SNRPN: variants seen among roughly 807,000 people sequenced by gnomAD.
SNRPN encodes the protein small nuclear ribonucleoprotein-associated protein N.
A neutral mutation model predicts 25.2 loss-of-function variants in SNRPN; 7 were observed. The ratio of observed to expected loss-of-function variants is 0.28; its 90% confidence interval spans 0.16 to 0.52. The LOEUF (loss-of-function observed/expected upper bound fraction) is 0.52. Among genes scored for constraint, SNRPN ranks in the 20% least tolerant of loss-of-function variants. SNRPN has a pLI of 0.96. For synonymous variants in SNRPN, 124 were observed against 110.6 expected, an observed-to-expected ratio of 1.12 and a Z score of -0.76; for missense variants, 196 against 322.5, an observed-to-expected ratio of 0.61 and a Z score of 3.00.
chr15:24,878,726 C>T (rs145485571), intron 1 of SNRPN, among the ~76,000 whole-genome samples: 135 of 152,166 alleles, frequency 8.9e-4, no homozygotes, highest in African/African-American at 3.2e-3. Context: ...TATATCCTTC[C>T]CTCTCAATAT....
intron 1 of SNRPN, among the ~76,000 whole-genome samples, chr15:24,860,185 C>A (rs1055874950): frequency 2.6e-5 from 4 of 152,220 alleles, no homozygotes; most frequent in African/African-American, 7.2e-5. Flanking sequence ...GTCCTCCATA[C>A]AGAGAATGTC....
intron 3 of SNRPN, among the ~76,000 whole-genome samples, chr15:24,934,482 A>G (rs186760457): frequency 6.6e-6 from 1 of 152,238 alleles, no homozygotes; most frequent in East Asian, 1.9e-4. Context: ...GTTGTGAGTG[A>G]TCGTCCTCAA....
At chr15:24,912,109 A>C (rs575228941) in intron 2 of SNRPN, among the ~76,000 whole-genome samples, 28 of 152,270 alleles carry the variant, frequency 1.8e-4, no homozygotes, top group African/African-American at 6.7e-4. Context: ...TTTTGAAGTT[A>C]TGTGGGACAT....
intron 3 of SNRPN, among the ~76,000 whole-genome samples, chr15:24,947,527 G>A (rs2061959204): frequency 6.6e-6 from 1 of 152,146 alleles, no homozygotes; most frequent in South Asian, 2.1e-4. Context: ...TGCTTGGGAG[G>A]CTGAGGTAGA....
chr15:24,924,594 C>T (rs56349398), intron 3 of SNRPN, among the ~76,000 whole-genome samples: 12,405 of 151,990 alleles, frequency 0.082, 695 homozygotes, highest in South Asian at 0.13. Flanking sequence ...GAGATCCTCC[C>T]GCCTCAGTCT....
At chr15:24,860,038 T>C (rs1332963794) in intron 1 of SNRPN, among the ~76,000 whole-genome samples, 1 of 152,156 alleles carries the variant, frequency 6.6e-6, no homozygotes, top group Admixed American at 6.5e-5. Context: ...GCCTTAACCA[T>C]CTGGGAATGC....
At chr15:24,956,300 G>C (rs2062861668) in intron 1 of SNRPN, among the ~76,000 whole-genome samples, 1 of 146,634 alleles carries the variant, frequency 6.8e-6, no homozygotes, top group African/African-American at 2.5e-5. Context: ...CCATTGTGCA[G>C]CTCCTTCAAG....
In SNRPN at chr15:24,977,847, G is replaced by T. The variant is rs772663663; in HGVS notation, c.490G>T (p.Ala164Ser). 13 of 1,613,300 alleles carry T rather than the reference G, an allele frequency of 8.1e-6. No individual in the cohort carries two copies. In the East Asian group the frequency reaches 2.9e-4, roughly 36 times the overall value. ...TGCTGCGACTGCCAGTATTGCTGGA[G>T]CCCCAACACAGTACCCACCAGGACG... Reference protein sequence around the residue: ...AVAATASIAGAPTQYPPGRGT... With the variant: ...AVAATASIAGSPTQYPPGRGT... Residue 164 changes from alanine (A) to serine (S), a missense_variant, in exon 8 of 10, where the codon GCC (alanine) becomes TCC (serine). By Grantham distance (99) the Ala-to-Ser change is moderately conservative. Transcript: ENST00000390687.
chr15:24,970,261 G>T (rs1441226896), intron 3 of SNRPN, among the ~76,000 whole-genome samples: 1 of 152,036 alleles, frequency 6.6e-6, no homozygotes, highest in Non-Finnish European at 1.5e-5. Context: ...TAAGGCACAC[G>T]ATGGCCAGGA....
At chr15:24,873,964 C>T (rs575944905) in intron 1 of SNRPN, among the ~76,000 whole-genome samples, 20 of 150,544 alleles carry the variant, frequency 1.3e-4, no homozygotes, top group Admixed American at 1.3e-3. Flanking sequence ...CCACAGCATA[C>T]TTCATTCACT....
intron 2 of SNRPN, among the ~76,000 whole-genome samples, chr15:24,843,988 G>A (rs11629898): frequency 0.082 from 12,229 of 149,728 alleles, 676 homozygotes; most frequent in Middle Eastern, 0.17. Context: ...AAAAAAAAAC[G>A]TATGATTCAC....
rs755179082 is a variant in SNRPN at position 24,977,763 on chromosome 15, G to C, written c.421-15G>C. On this transcript the variant is annotated splice_polypyrimidine_tract_variant and intron_variant, in intron 7 of 9. Transcript: ENST00000390687. ...GTTTGCATCGCTTTGACTGTTTCCC[G>C]CCCTGCCTTCTCAGGTAATGACTCC... 21 of 1,579,954 alleles carry C rather than the reference G, an allele frequency of 1.3e-5. No homozygotes were observed. Among genetic ancestry groups the C allele is most frequent in the Middle Eastern group, 1.7e-4 (1 of 5,910 alleles).
rs201259332 is a variant in SNRPN, at chr15:24,955,075, G to T, written c.-391+13G>T. ...TGGAGCGGGCAAGGTCAGCTGTGCC[G>T]GTGGCTTCTCTCAAGAGACAGCCTG... is the stretch of plus-strand genomic sequence containing the variant. On this transcript the variant is annotated intron_variant, in intron 1 of 9. Coordinates refer to ENST00000390687, the MANE Select transcript of SNRPN (RefSeq NM_003097.6). 20 of 1,613,528 alleles carry T rather than the reference G, an allele frequency of 1.2e-5. No individual in the cohort carries two copies. In the South Asian group the frequency reaches 2.1e-4, roughly 17 times the overall value.
chr15:24,975,679 A>G (rs969766009), intron 5 of SNRPN, among the ~76,000 whole-genome samples, 170 bp downstream of exon 5: 1 of 152,228 alleles, frequency 6.6e-6, no homozygotes, highest in Admixed American at 6.5e-5. Flanking sequence ...CAGAGTCTGC[A>G]TCTGAACTCT....
At chr15:24,908,858 T>G (rs1380141116) in intron 2 of SNRPN, 1 of 613,048 alleles carries the variant, frequency 1.6e-6, no homozygotes, top group South Asian at 2.6e-5. Flanking sequence ...TCTTTTTTTC[T>G]TTTTCTTTTT....
chr15:24,962,181 A>C lies in SNRPN; in HGVS notation c.-323A>C. 6.2e-7 allele frequency: 1 copy of C among 1,614,172 alleles called. No homozygotes were observed. The highest frequency in any genetic ancestry group is 8.5e-7 in the Non-Finnish European group (1 of 1,180,022). ...AGAGGTGGAAGTCCAAGTCAAACGCAGAAGGACTGCCTCACTGAGCAACCA... is the reference window on the plus strand; with the variant it reads ...AGAGGTGGAAGTCCAAGTCAAACGCCGAAGGACTGCCTCACTGAGCAACCA... On this transcript the variant is annotated 5_prime_UTR_variant, in exon 2 of 10. Transcript: ENST00000390687.
chr15:24,855,070 A>G (rs961169432), upstream of SNRPN, among the ~76,000 whole-genome samples: 2 of 152,060 alleles, frequency 1.3e-5, no homozygotes, highest in Non-Finnish European at 2.9e-5. Context: ...GGATGTTTAC[A>G]TTGTGCCTTT....
chr15:24,955,836 G>A (rs903606199), intron 1 of SNRPN, among the ~76,000 whole-genome samples: 16 of 151,430 alleles, frequency 1.1e-4, no homozygotes, highest in Admixed American at 4.6e-4. Context: ...GCATGGCGGC[G>A]GTGGGCATGG....
chr15:24,905,414 C>T (rs2058732658), intron 2 of SNRPN, among the ~76,000 whole-genome samples: 1 of 150,104 alleles, frequency 6.7e-6, no homozygotes, highest in African/African-American at 2.5e-5. Flanking sequence ...GAGGCTGAGG[C>T]AGGAGAGTCG....
Sources: allele counts gnomAD v4.1 joint callset (sites outside exome capture counted in the v4.1 genomes callset), GRCh38; gene constraint gnomAD v4.1.1; transcripts MANE v1.5; gene names NCBI Gene and HGNC (gene_info 2026-07-23, HGNC 2026-07-21).